The following NRXN3 variants were observed in gnomAD, a reference collection of about 807,000 sequenced individuals.
NRXN3 encodes the protein neurexin III.
A neutral mutation model predicts 137.6 loss-of-function variants in NRXN3; 32 were observed. The ratio of observed to expected loss-of-function variants is 0.23; its 90% CI spans 0.18 to 0.31. The LOEUF (loss-of-function observed/expected upper bound fraction) is 0.31, where lower values mean the gene tolerates loss of function less well. Ranked by LOEUF, NRXN3 falls within the 10% of genes least tolerant of loss-of-function variation. NRXN3 has a pLI of 1.00. For synonymous variants in NRXN3, 798 were observed against 784.5 expected (o/e 1.02, Z -0.29); for missense variants, 1,574 against 2,062.5 (o/e 0.76, Z 4.59).
chr14:78,241,827 C>A (rs2067122371), intron 1 of NRXN3, among the ~76,000 whole-genome samples: 2 of 151,676 alleles, frequency 1.3e-5, no homozygotes, highest in African/African-American at 4.8e-5. Flanking sequence ...TAAAATAATC[C>A]TCCTCTCTTA....
intron 17 of NRXN3, among the ~76,000 whole-genome samples, chr14:79,668,425 C>T (rs548216445): frequency 2.8e-4 from 43 of 152,154 alleles, no homozygotes; most frequent in Non-Finnish European, 4.7e-4. Flanking sequence ...TTTAAGGTTA[C>T]GTTATCAAGG....
chr14:78,707,494 A>G (rs2098364294), intron 6 of NRXN3, among the ~76,000 whole-genome samples: 1 of 152,190 alleles, frequency 6.6e-6, no homozygotes, highest in African/African-American at 2.4e-5. Context: ...TTGAAATTCT[A>G]ATTTCATGGA....
chr14:79,467,305 A>G lies in NRXN3; in HGVS notation c.3347A>G (p.Asp1116Gly), dbSNP rs1197537055. The stretch of plus-strand genomic sequence containing the variant: ...AATGACAGGCCCAGCACGCGGTCTG[A>G]CCGCCTTGCCGTGGGCTTCAGCACC... ...PANDRPSTRS[D>G]RLAVGFSTTV... is the part of the protein sequence containing the mutation. The change falls in exon 16 of 21, where the codon GAC becomes GGC. Residue 1116 changes from aspartate (D) to glycine (G), a missense_variant. Around this residue, in one of 5 missense-constraint regions of NRXN3, gnomAD observed 133 missense variants for 241.8 expected, o/e 0.55. Coordinates refer to ENST00000335750, the MANE Select transcript of NRXN3 (RefSeq NM_001330195.2). 3 of 1,613,546 alleles carry G rather than the reference A, an allele frequency of 1.9e-6. No homozygotes were observed. The highest frequency in any genetic ancestry group is 2.5e-6 in the Non-Finnish European group (3 of 1,179,506).
At chr14:79,852,149 G>A (rs1044213460) in intron 20 of NRXN3, among the ~76,000 whole-genome samples, 3 of 150,996 alleles carry the variant, frequency 2.0e-5, no homozygotes, top group South Asian at 2.1e-4. Context: ...GAATAAATTT[G>A]GGATAAATTT....
intron 10 of NRXN3, among the ~76,000 whole-genome samples, chr14:78,819,117 C>T (rs915252340): frequency 6.6e-6 from 1 of 152,096 alleles, no homozygotes; most frequent in Non-Finnish European, 1.5e-5. Flanking sequence ...TGTTTCTGCT[C>T]CCCTTTAAAA....
rs1198079299 is a variant in NRXN3 at position 78,235,019 on chromosome 14, T to G, written c.-703-7372T>G. On this transcript the variant is annotated intron_variant, in intron 1 of 20. Coordinates refer to ENST00000335750, the MANE Select transcript of NRXN3 (RefSeq NM_001330195.2). ...TTATATATATATATATATATATATA[T>G]ATATGTGTATATATATATGTGTGTG... 4.9e-5 allele frequency among the ~76,000 whole-genome samples: 5 copies of G among 102,904 alleles called. 1 individual carries two copies. The highest frequency in any genetic ancestry group is 2.0e-4 in the African/African-American group (5 of 25,032). The allele number at this position is 102,904 out of a possible 152,430, so 67.5% of individuals were successfully genotyped here.
chr14:78,357,443 C>T (rs137984460), intron 4 of NRXN3, among the ~76,000 whole-genome samples: 1 of 152,128 alleles, frequency 6.6e-6, no homozygotes, highest in Non-Finnish European at 1.5e-5. Context: ...TGGATGGGGA[C>T]ACAGAGCCAT....
In NRXN3 at chr14:78,210,170, TC is replaced by T. The variant is rs558685276; in HGVS notation, c.-703-32220del. ...TTTAGAAATGACAGACATTTTTTACTCATGGTTCTGGCGAGTGGGAAATCCA... is the reference window on the plus strand; with the variant it reads ...TTTAGAAATGACAGACATTTTTTACTATGGTTCTGGCGAGTGGGAAATCCA... On this transcript the variant is annotated intron_variant, in intron 1 of 20. Transcript: ENST00000335750. Among the ~76,000 whole-genome samples, 400 of 152,348 alleles carry T rather than the reference TC, an allele frequency of 2.6e-3. 2 individuals carry two copies. The highest frequency in any genetic ancestry group is 4.5e-3 in the Non-Finnish European group (305 of 68,036).
At chr14:78,303,720 A>G (rs1401189449) in intron 4 of NRXN3, among the ~76,000 whole-genome samples, 2 of 151,948 alleles carry the variant, frequency 1.3e-5, no homozygotes, top group East Asian at 3.9e-4. Flanking sequence ...CTAAAGCTCT[A>G]TTCTCTTTCT....
intron 15 of NRXN3, among the ~76,000 whole-genome samples, chr14:78,988,909 G>T (rs574477986): frequency 6.9e-4 from 105 of 152,206 alleles, no homozygotes; most frequent in African/African-American, 2.5e-3. Context: ...GATGCTTCTG[G>T]CTCGTGGGTT....
intron 6 of NRXN3, 40 bp downstream of exon 6, chr14:78,651,366 G>A (rs779490468): frequency 2.5e-6 from 4 of 1,593,210 alleles, no homozygotes; most frequent in Admixed American, 1.7e-5. Flanking sequence ...CCATGTGATT[G>A]TTTCATTTAT....
At chr14:79,563,445 T>C (rs1412631316) in intron 16 of NRXN3, among the ~76,000 whole-genome samples, 1 of 152,134 alleles carries the variant, frequency 6.6e-6, no homozygotes, top group Non-Finnish European at 1.5e-5. Context: ...AAGGGGCTTA[T>C]GGGAATAATC....
At chr14:78,626,707 G>A (rs2097462285) in intron 4 of NRXN3, among the ~76,000 whole-genome samples, 1 of 152,178 alleles carries the variant, frequency 6.6e-6, no homozygotes, top group South Asian at 2.1e-4. Flanking sequence ...GGTCTTCAGA[G>A]GGCTATCCCT....
At chr14:79,786,315 C>T (rs564248983) in intron 19 of NRXN3, among the ~76,000 whole-genome samples, 83 of 152,174 alleles carry the variant, frequency 5.5e-4, no homozygotes, top group African/African-American at 1.9e-3. Context: ...TTGGGGCCAA[C>T]GCTTAAAATG....
In NRXN3 at chr14:79,761,584, T is replaced by G. The variant is rs1004285835; in HGVS notation, c.4015-43528T>G. On this transcript the variant is annotated intron_variant, in intron 19 of 20. Transcript: ENST00000335750. Reference sequence around the variant, plus strand: ...GGCAGGCGCCTGTAGTCTCAGCTACTCGGGAGGCTGAGGCAGGAGAATGGC... The same window carrying G: ...GGCAGGCGCCTGTAGTCTCAGCTACGCGGGAGGCTGAGGCAGGAGAATGGC... 3.4e-5 allele frequency among the ~76,000 whole-genome samples: 5 copies of G among 148,542 alleles called. No homozygotes were observed. The Admixed American group carries it at 3.4e-4, about 10-fold the overall frequency.
rs904170145 is a variant in NRXN3, at chr14:78,443,276, G to T, written c.757+145416G>T. ...AAGCCCTGCTTATTCAGGGGTCTTT[G>T]TTTTACAAGTTGTCTCTGTATGTTG... On this transcript the variant is annotated intron_variant, in intron 4 of 20. Coordinates refer to ENST00000335750, the MANE Select transcript of NRXN3 (RefSeq NM_001330195.2). Among the ~76,000 whole-genome samples the T allele has an allele frequency of 2.2e-4, 34 of 152,290 alleles. 1 individual carries two copies. In the South Asian group the frequency reaches 6.8e-3, roughly 31 times the overall value.
At chr14:79,191,386 A>T (rs1328331262) in intron 15 of NRXN3, among the ~76,000 whole-genome samples, 1 of 152,198 alleles carries the variant, frequency 6.6e-6, no homozygotes, top group Admixed American at 6.5e-5. Context: ...TTCTGCAGGG[A>T]GGCATCCTTT....
chr14:78,648,996 G>A (rs2097712968), intron 5 of NRXN3, among the ~76,000 whole-genome samples: 3 of 152,132 alleles, frequency 2.0e-5, no homozygotes, highest in African/African-American at 7.2e-5. Flanking sequence ...GAGCTGCAAT[G>A]GCATGTAGAC....
intron 8 of NRXN3, among the ~76,000 whole-genome samples, chr14:78,723,324 G>A (rs12885856): frequency 1.3e-5 from 2 of 152,110 alleles, no homozygotes; most frequent in East Asian, 1.9e-4. Flanking sequence ...TCGAGTTTTC[G>A]AACATATCTG....
Sources: allele counts gnomAD v4.1 joint callset (sites outside exome capture counted in the v4.1 genomes callset), GRCh38; gene constraint gnomAD v4.1.1; regional missense constraint gnomAD v4.1.1; transcripts MANE v1.5; gene names NCBI Gene and HGNC (gene_info 2026-07-23, HGNC 2026-07-21).